SMC2: variants seen among roughly 807,000 people sequenced by gnomAD.
SMC2 encodes structural maintenance of chromosomes 2.
Under a neutral mutation model 142.6 loss-of-function variants are expected in SMC2, and 41 were observed. That is an observed-to-expected ratio of 0.29 (90% CI 0.22 to 0.37). The LOEUF (loss-of-function observed/expected upper bound fraction) is 0.37. SMC2 is among the 10% of genes least tolerant of loss of function. The pLI is 1.00. For missense variants in SMC2, 1,265 were observed against 1,373.7 expected, an observed-to-expected ratio of 0.92 and a Z score of 1.25; for synonymous variants, 463 against 457.5, an observed-to-expected ratio of 1.01 and a Z score of -0.15.
At chr9:104,093,793 C>T (rs1031920052), upstream of SMC2, among the ~76,000 whole-genome samples, 2 of 142,330 alleles carry the variant, frequency 1.4e-5, no homozygotes, top group Non-Finnish European at 3.0e-5. Context: ...GGGCCAGAGT[C>T]CCCCGAAGGA....
chr9:104,118,220 C>T lies in SMC2; in HGVS notation c.1841C>T (p.Pro614Leu), dbSNP rs529040950. The T allele has an allele frequency of 1.4e-5, 23 of 1,613,730 alleles. No homozygotes were observed. The South Asian group carries it at 2.2e-4, about 15-fold the overall frequency. Residue 614 changes from proline to leucine, a missense_variant, in exon 15 of 25, where the codon CCA (proline) becomes CTA (leucine). Pro to Leu is a moderately conservative substitution (Grantham distance 98). Transcript: ENST00000374793. ...HVALSLVEYKPELQKAMEFVF... is the reference protein window; with the variant it reads ...HVALSLVEYKLELQKAMEFVF... ...GCTCTTTCCTTGGTTGAATATAAACCAGAACTTCAGAAAGCAATGGAGTTT... is the reference window on the plus strand; with the variant it reads ...GCTCTTTCCTTGGTTGAATATAAACTAGAACTTCAGAAAGCAATGGAGTTT...
chr9:104,095,775 C>T (rs1830385507), intron 2 of SMC2, among the ~76,000 whole-genome samples: 1 of 152,222 alleles, frequency 6.6e-6, no homozygotes, highest in African/African-American at 2.4e-5. Context: ...GGCATTCTGA[C>T]TGTAAAGCAG....
chr9:104,114,647 A>T, intron 12 of SMC2, 44 bp from the exon 13 acceptor site: 1 of 1,532,114 alleles, frequency 6.5e-7, no homozygotes, highest in Admixed American at 1.8e-5. Context: ...AACTTTTTCT[A>T]CTTTATTATC....
chr9:104,130,361 C>T (rs1472348445), intron 21 of SMC2, among the ~76,000 whole-genome samples: 1 of 152,054 alleles, frequency 6.6e-6, no homozygotes, highest in Non-Finnish European at 1.5e-5. Flanking sequence ...TAGTGATGAA[C>T]TTGGGAGGAC....
At chr9:104,114,428 C>T (rs1012479601) in intron 12 of SMC2, among the ~76,000 whole-genome samples, 8 of 152,072 alleles carry the variant, frequency 5.3e-5, no homozygotes, top group African/African-American at 1.9e-4. Flanking sequence ...GGAATATTTA[C>T]AGTAATCATA....
intron 22 of SMC2, among the ~76,000 whole-genome samples, chr9:104,133,329 G>A (rs890762435): frequency 2.0e-5 from 3 of 152,068 alleles, no homozygotes; most frequent in African/African-American, 7.2e-5. Context: ...GTCCTGAGCT[G>A]CCTGTCCCAC....
rs765973482 is a variant in SMC2, at chr9:104,095,373, A to G, written c.-12A>G. 8 of 1,610,654 alleles carry G rather than the reference A, an allele frequency of 5.0e-6. No homozygotes were observed. Among genetic ancestry groups the G allele is most frequent in the Non-Finnish European group, 6.8e-6 (8 of 1,178,798 alleles). On this transcript the variant is annotated 5_prime_UTR_variant, in exon 2 of 25. Coordinates refer to ENST00000374793, the MANE Select transcript of SMC2 (RefSeq NM_006444.3). The stretch of plus-strand genomic sequence containing the variant: ...CCTGTCAGAGGTTTGCTGACCCAAG[A>G]CAGTATCGAAAATGCATATTAAGTC...
intron 22 of SMC2, 112 bp from the exon 23 acceptor site, chr9:104,134,303 G>GAGTT (rs1476439901): frequency 1.5e-6 from 1 of 664,518 alleles, no homozygotes; most frequent in Non-Finnish European, 2.4e-6. Flanking sequence ...GTCAGCCCCT[G>GAGTT]AGTTAGAGTA....
Position 104,102,491 on chromosome 9 carries a change from C to G in SMC2, c.938C>G (p.Ser313Cys), listed in dbSNP as rs771183137. Residue 313 changes from serine (S) to cysteine (C), a missense_variant, in exon 9 of 25, where the codon TCT (serine) becomes TGT (cysteine). Transcript: ENST00000374793. ...GAGGCTCAGCGAGTTAATACTAAAT[C>G]TCAAAGCGCATTTGATCTCAAGAAG... ...LAEAQRVNTK[S>C]QSAFDLKKKN... The G allele has an allele frequency of 6.2e-7, 1 of 1,613,768 alleles. No homozygotes were observed. The highest frequency in any genetic ancestry group is 1.1e-5 in the South Asian group (1 of 91,050).
chr9:104,131,258 G>A (rs2131537739), intron 21 of SMC2, among the ~76,000 whole-genome samples: 1 of 152,272 alleles, frequency 6.6e-6, no homozygotes, highest in African/African-American at 2.4e-5. Flanking sequence ...GAGCATTCCA[G>A]GAAGGGAGAA....
rs1263718445 is a variant in SMC2, at chr9:104,138,081, C to G, written c.3333C>G (p.Ile1111Met). 3.7e-6 allele frequency: 6 copies of G among 1,609,890 alleles called. No homozygotes were observed. The highest frequency in any genetic ancestry group is 5.1e-6 in the Non-Finnish European group (6 of 1,177,386). Residue 1111 changes from isoleucine to methionine, a missense_variant, in exon 24 of 25, where the codon ATC (isoleucine) becomes ATG (methionine). By Grantham distance (10) the Ile-to-Met change is conservative (BLOSUM62 1). Around this residue, in one of 4 missense-constraint regions of SMC2, gnomAD observed 192 missense variants for 261.9 expected, o/e 0.73. Coordinates refer to ENST00000374793, the MANE Select transcript of SMC2 (RefSeq NM_006444.3). ...MLLFKPAPIYILDEVDAALDL... is the reference protein window; with the variant it reads ...MLLFKPAPIYMLDEVDAALDL... ...TCTTCAAACCTGCTCCAATTTATAT[C>G]CTTGATGAGGTAGATGCAGCCTTGG...
At position 104,123,186 on chromosome 9, in the gene SMC2, A is replaced by G. The variant is rs775259991; in HGVS notation, c.2211A>G (p.Ser737=). Residue 737 remains serine (S), a synonymous_variant, in exon 17 of 25, where the codon TCA becomes TCG. Coordinates refer to ENST00000374793, the MANE Select transcript of SMC2 (RefSeq NM_006444.3). ...TACAAACCAAGCTCCAGCAAAGCTCATATCACAAGCAACAAGAAGAATTAG... is the reference window on the plus strand; with the variant it reads ...TACAAACCAAGCTCCAGCAAAGCTCGTATCACAAGCAACAAGAAGAATTAG... ...DLLQTKLQQS[S]YHKQQEELDA... 10 of 1,611,874 alleles carry G rather than the reference A, an allele frequency of 6.2e-6. No homozygotes were observed. Among genetic ancestry groups the G allele is most frequent in the Non-Finnish European group, 8.5e-6 (10 of 1,178,434 alleles).
At chr9:104,128,133 AAC>A (rs1171262140) in intron 20 of SMC2, among the ~76,000 whole-genome samples, 2 of 152,186 alleles carry the variant, frequency 1.3e-5, no homozygotes, top group Admixed American at 1.3e-4. Context: ...ATGAGTGTGT[AAC>A]AGTTTGGCAC....
intron 20 of SMC2, 127 bp from the exon 21 acceptor site, chr9:104,129,518 A>T: frequency 1.4e-6 from 1 of 727,374 alleles, no homozygotes; most frequent in South Asian, 1.9e-5. Context: ...AAAAAAAAAA[A>T]TTAGTCATTG....
In SMC2 at chr9:104,102,498, C is replaced by T. The variant is rs371568094; in HGVS notation, c.945C>T (p.Ser315=). Residue 315 remains serine (S), a synonymous_variant, in exon 9 of 25, where the codon AGC becomes AGT. Transcript: ENST00000374793. ...AGCGAGTTAATACTAAATCTCAAAGCGCATTTGATCTCAAGAAGAAAAATC... is the reference window on the plus strand; with the variant it reads ...AGCGAGTTAATACTAAATCTCAAAGTGCATTTGATCTCAAGAAGAAAAATC... The part of the protein sequence containing the change: ...EAQRVNTKSQ[S]AFDLKKKNLA... The T allele has an allele frequency of 2.9e-5, 47 of 1,613,248 alleles. No homozygotes were observed. The African/African-American group carries it at 4.0e-4, about 14-fold the overall frequency.
Position 104,102,804 on chromosome 9 carries a change from T to C in SMC2, c.1020+231T>C, listed in dbSNP as rs77436436. 5.5e-3 allele frequency among the ~76,000 whole-genome samples: 832 copies of C among 152,250 alleles called. 2 individuals carry two copies. Among genetic ancestry groups the C allele is most frequent in the East Asian group, 0.015 (80 of 5,180 alleles). On this transcript the variant is annotated intron_variant, in intron 9 of 24. Coordinates refer to ENST00000374793, the MANE Select transcript of SMC2 (RefSeq NM_006444.3). ...AATAAATAAAACATGTAACATGTTATAGAGTGATAACTGATGTGGAGAAAA... is the reference window on the plus strand; with the variant it reads ...AATAAATAAAACATGTAACATGTTACAGAGTGATAACTGATGTGGAGAAAA...
chr9:104,132,477 T>C (rs1451582796), intron 22 of SMC2, among the ~76,000 whole-genome samples: 1 of 152,170 alleles, frequency 6.6e-6, no homozygotes, highest in Admixed American at 6.5e-5. Flanking sequence ...ACTTCATGTA[T>C]CTGTCTCCTA....
At chr9:104,106,551 G>A (rs1018239409) in intron 9 of SMC2, among the ~76,000 whole-genome samples, 14 of 152,112 alleles carry the variant, frequency 9.2e-5, no homozygotes, top group African/African-American at 3.4e-4. Context: ...GTACCACCAC[G>A]CCTGGCTAAT....
In SMC2 at chr9:104,129,790, T is replaced by C; in HGVS notation, c.2936T>C (p.Leu979Pro). 1 of 1,613,880 alleles carries C rather than the reference T, an allele frequency of 6.2e-7. No individual in the cohort carries two copies. The highest frequency in any genetic ancestry group is 8.5e-7 in the Non-Finnish European group (1 of 1,179,910). ...LQKLQEMKEK[L>P]GRNVNMRAMN... ...AAGTTGCAAGAAATGAAGGAGAAAC[T>C]AGGAAGAAATGTCAATATGAGAGCT... The change falls in exon 21 of 25, where the codon CTA becomes CCA. Residue 979 changes from leucine (L) to proline (P), a missense_variant. Around this residue, in one of 4 missense-constraint regions of SMC2, gnomAD observed 192 missense variants for 261.9 expected, o/e 0.73. Coordinates refer to ENST00000374793, the MANE Select transcript of SMC2 (RefSeq NM_006444.3).
Sources: allele counts gnomAD v4.1 joint callset (sites outside exome capture counted in the v4.1 genomes callset), GRCh38; gene constraint gnomAD v4.1.1; regional missense constraint gnomAD v4.1.1; transcripts MANE v1.5; gene names NCBI Gene and HGNC (gene_info 2026-07-23, HGNC 2026-07-21).